CHIC1: variants seen among roughly 807,000 people sequenced by gnomAD.
The protein encoded by CHIC1 is cysteine-rich hydrophobic domain-containing protein 1.
In CHIC1, 7 loss-of-function variants were observed where a neutral mutation model predicts 18.5. The observed-to-expected ratio is 0.38, with a 90% CI of 0.22 to 0.71. The LOEUF (loss-of-function observed/expected upper bound fraction) is 0.71, where lower values mean the gene tolerates loss of function less well. Among genes scored for constraint, CHIC1 ranks in the 30% least tolerant of loss-of-function variants. CHIC1 has a pLI of 0.49. For synonymous variants in CHIC1, 77 were observed against 73.5 expected (o/e 1.05, Z -0.25); for missense variants, 159 against 176.9 (o/e 0.90, Z 0.57).
intron 3 of CHIC1, among the ~76,000 whole-genome samples, chrX:73,654,053 G>A (rs940945111): frequency 5.4e-5 from 6 of 112,035 alleles, no homozygotes; most frequent in African/African-American, 9.7e-5. Context: ...TATTGCTGTG[G>A]CTAAAACTTC....
In CHIC1 at chrX:73,604,524, A is replaced by G. The variant is rs753919102; in HGVS notation, c.507+19952A>G. 9.3e-4 allele frequency among the ~76,000 whole-genome samples: 98 copies of G among 105,362 alleles called. 1 individual carries two copies. The highest frequency in any genetic ancestry group is 1.6e-3 in the Non-Finnish European group (82 of 52,763). The allele number at this position is 105,362 out of a possible 115,157, so 91.5% of individuals were successfully genotyped here. The stretch of plus-strand genomic sequence containing the variant: ...TATCTCCCAGTTCTGCTCTGATCTT[A>G]ATTATTTCTTGCCTTCTGCTAGCTT... On this transcript the variant is annotated intron_variant, in intron 3 of 5. Transcript: ENST00000373502.
chrX:73,637,472 G>A, intron 3 of CHIC1, among the ~76,000 whole-genome samples: 1 of 110,542 alleles, frequency 9.0e-6, no homozygotes. Context: ...TATATCCCAA[G>A]TCTCTTCTTG....
At chrX:73,634,946 C>T (rs928032904) in intron 3 of CHIC1, among the ~76,000 whole-genome samples, 3 of 111,202 alleles carry the variant, frequency 2.7e-5, no homozygotes, top group African/African-American at 9.8e-5. Context: ...AATGCATCCA[C>T]TTTCAGGATT....
chrX:73,665,608 A>T (rs912641709), intron 3 of CHIC1, among the ~76,000 whole-genome samples: 13 of 110,455 alleles, frequency 1.2e-4, no homozygotes, highest in Non-Finnish European at 1.9e-5. Context: ...AAACTTGCAA[A>T]CCCCAAGCAG....
At chrX:73,573,460 T>G (rs761094916) in intron 1 of CHIC1, among the ~76,000 whole-genome samples, 66 of 111,817 alleles carry the variant, frequency 5.9e-4, no homozygotes, top group African/African-American at 2.1e-3. Context: ...AGAATAGTTG[T>G]TTCTAATTCC....
chrX:73,579,089 A>G (rs1439572278), intron 2 of CHIC1, among the ~76,000 whole-genome samples: 1 of 109,896 alleles, frequency 9.1e-6, no homozygotes, highest in Non-Finnish European at 1.9e-5. Flanking sequence ...GTTTAATTTA[A>G]CCCTGCAAGG....
chrX:73,668,386 C>T (rs1445908105), intron 3 of CHIC1, among the ~76,000 whole-genome samples: 2 of 112,061 alleles, frequency 1.8e-5, no homozygotes, highest in Non-Finnish European at 3.8e-5. Context: ...AGCCTCAGCC[C>T]AGTTCTGAGC....
intron 3 of CHIC1, among the ~76,000 whole-genome samples, chrX:73,656,901 A>G (rs1315857184): frequency 1.8e-5 from 2 of 110,439 alleles, no homozygotes; most frequent in African/African-American, 6.6e-5. Flanking sequence ...CAGTGTGGTT[A>G]TTTTCACAAT....
chrX:73,658,775 A>G (rs193080811), intron 3 of CHIC1, among the ~76,000 whole-genome samples: 50 of 112,051 alleles, frequency 4.5e-4, no homozygotes, highest in African/African-American at 1.5e-3. Context: ...ATTTAGTGCT[A>G]TAAATTTCCC....
chrX:73,631,048 A>G (rs912547209), intron 3 of CHIC1, among the ~76,000 whole-genome samples: 4 of 111,511 alleles, frequency 3.6e-5, no homozygotes, highest in African/African-American at 1.3e-4. Context: ...ATTGTTCATA[A>G]TAGTGTCTTC....
rs1405744518 is a variant in CHIC1 at position 73,684,847 on chromosome X, T to G, written c.*3842T>G. 2.7e-5 allele frequency: 3 copies of G among 111,386 alleles called. No individual in the cohort carries two copies. The highest frequency in any genetic ancestry group is 9.8e-5 in the African/African-American group (3 of 30,763). 9.2% of individuals were successfully genotyped at this position (111,386 alleles called of 1,213,427 possible). A position where few individuals can be genotyped will look rare whatever the true frequency, so the allele number is the denominator to read the frequency against. On this transcript the variant is annotated 3_prime_UTR_variant, in exon 6 of 6. Transcript: ENST00000373502. ...TATATCTGTATGTAAAAATGAATGA[T>G]CTTATCTTGCCCCAAATTTTTCTTA... is the stretch of plus-strand genomic sequence containing the variant.
intron 1 of CHIC1, among the ~76,000 whole-genome samples, chrX:73,577,033 C>G: frequency 9.1e-6 from 1 of 109,712 alleles, no homozygotes; most frequent in South Asian, 3.8e-4. Flanking sequence ...TAATGAAATC[C>G]CACATAGTAC....
At chrX:73,668,426 G>C (rs1311756802) in intron 3 of CHIC1, among the ~76,000 whole-genome samples, 1 of 112,166 alleles carries the variant, frequency 8.9e-6, no homozygotes, top group Non-Finnish European at 1.9e-5. Flanking sequence ...TGGTCATTTG[G>C]AGGAACAGGG....
chrX:73,610,551 G>A (rs2147575270), intron 3 of CHIC1, among the ~76,000 whole-genome samples: 1 of 108,010 alleles, frequency 9.3e-6, no homozygotes, highest in Non-Finnish European at 1.9e-5. Flanking sequence ...TTTATGTTGT[G>A]TCCTTGTCTG....
chrX:73,594,291 C>T (rs2057596541), intron 3 of CHIC1, among the ~76,000 whole-genome samples: 1 of 110,996 alleles, frequency 9.0e-6, no homozygotes, highest in Non-Finnish European at 1.9e-5. Flanking sequence ...CTGCCTCAGC[C>T]TCTCCAGTAG....
chrX:73,645,036 T>G (rs1276448932), intron 3 of CHIC1, among the ~76,000 whole-genome samples: 2 of 112,312 alleles, frequency 1.8e-5, no homozygotes, highest in African/African-American at 6.5e-5. Context: ...CAGATGGAAA[T>G]GCAGAAATCA....
intron 3 of CHIC1, among the ~76,000 whole-genome samples, chrX:73,621,487 G>A (rs944363107): frequency 4.5e-5 from 5 of 111,610 alleles, no homozygotes; most frequent in African/African-American, 6.5e-5. Context: ...CTCATGATTT[G>A]GCTCTCTGTT....
chrX:73,592,188 A>T (rs1603341322), intron 3 of CHIC1, among the ~76,000 whole-genome samples: 2 of 109,939 alleles, frequency 1.8e-5, no homozygotes, highest in African/African-American at 6.6e-5. Flanking sequence ...TGTGCCTTTT[A>T]TTTTTTTGTC....
chrX:73,660,501 A>G (rs1205146457), intron 3 of CHIC1, among the ~76,000 whole-genome samples: 1 of 112,126 alleles, frequency 8.9e-6, no homozygotes, highest in East Asian at 2.8e-4. Context: ...TTAATACCCT[A>G]CGCGAGTTGC....
Sources: allele counts gnomAD v4.1 joint callset (sites outside exome capture counted in the v4.1 genomes callset), GRCh38; gene constraint gnomAD v4.1.1; transcripts MANE v1.5; gene names NCBI Gene and HGNC (gene_info 2026-07-23, HGNC 2026-07-21).